RAD18: variants seen among roughly 807,000 people sequenced by gnomAD.
The protein encoded by RAD18 is E3 ubiquitin-protein ligase RAD18.
A neutral mutation model predicts 60.4 loss-of-function variants in RAD18; 47 were observed. That is an observed-to-expected ratio of 0.78 (90% CI 0.62 to 0.99). The LOEUF (loss-of-function observed/expected upper bound fraction) is 0.99. Ranked by LOEUF, RAD18 falls within the 50% of genes least tolerant of loss-of-function variation. The pLI is 0.00. For synonymous variants in RAD18, 225 were observed against 195.5 expected, an observed-to-expected ratio of 1.15 and a Z score of -1.26; for missense variants, 640 against 593.3, an observed-to-expected ratio of 1.08 and a Z score of -0.82.
chr3:8,954,368 A>AT (rs1318373289), intron 2 of RAD18, among the ~76,000 whole-genome samples: 1 of 152,074 alleles, frequency 6.6e-6, no homozygotes, highest in African/African-American at 2.4e-5. Context: ...AAGATGCTAG[A>AT]CTCTTTTGAT....
intron 4 of RAD18, chr3:8,946,966 C>T: frequency 3.0e-6 from 1 of 334,164 alleles, no homozygotes; most frequent in Non-Finnish European, 5.4e-6. Flanking sequence ...CTTCAGAGCA[C>T]CCAAAAGTAA....
chr3:8,914,101 A>G (rs1388729428), intron 7 of RAD18, among the ~76,000 whole-genome samples: 1 of 152,224 alleles, frequency 6.6e-6, no homozygotes, highest in Non-Finnish European at 1.5e-5. Context: ...AATGCAGTAC[A>G]ACAGGCTACT....
chr3:8,898,656 A>G (rs989849880), intron 11 of RAD18, among the ~76,000 whole-genome samples: 1 of 152,134 alleles, frequency 6.6e-6, no homozygotes, highest in Non-Finnish European at 1.5e-5. Context: ...CGGTAGGAAA[A>G]GTATCTACAT....
chr3:8,945,468 C>T (rs373528566), intron 4 of RAD18, among the ~76,000 whole-genome samples: 27 of 96,416 alleles, frequency 2.8e-4, no homozygotes, highest in South Asian at 8.5e-4. Flanking sequence ...TTTCCATCTT[C>T]TTTTTTTTTT....
At chr3:8,903,768 AT>A (rs1939954857) in intron 9 of RAD18, among the ~76,000 whole-genome samples, 1 of 152,184 alleles carries the variant, frequency 6.6e-6, no homozygotes, top group Non-Finnish European at 1.5e-5. Flanking sequence ...ATCCTATAAA[AT>A]TTTTAGGGAG....
In RAD18 at chr3:8,898,882, C is replaced by CAT. The variant is rs1294547347; in HGVS notation, c.1322+10_1322+11dup. On this transcript the variant is annotated intron_variant, in intron 11 of 12. Transcript: ENST00000264926. The stretch of plus-strand genomic sequence containing the variant: ...AGATATTTAAAATAATCAACTACTG[C>CAT]ATGTTTCTTACCTATTGCATGAATC... The CAT allele has an allele frequency of 6.5e-7, 1 of 1,545,140 alleles. No individual in the cohort carries two copies. The highest frequency in any genetic ancestry group is 8.8e-7 in the Non-Finnish European group (1 of 1,138,620).
In RAD18 at chr3:8,938,960, G is replaced by T. The variant is rs116758706; in HGVS notation, c.704+594C>A. On this transcript the variant is annotated intron_variant, in intron 6 of 12. Coordinates refer to ENST00000264926, the MANE Select transcript of RAD18 (RefSeq NM_020165.4). The stretch of plus-strand genomic sequence containing the variant: ...ATTACAGTTATTTTCATGTACAAGG[G>T]AGGTAGAACAGCACAGTTGTTTAGA... Among the ~76,000 whole-genome samples, 1,067 of 152,220 alleles carry T rather than the reference G, an allele frequency of 7.0e-3. 14 individuals carry two copies. Among genetic ancestry groups the T allele is most frequent in the African/African-American group, 0.024 (1,008 of 41,534 alleles).
intron 11 of RAD18, among the ~76,000 whole-genome samples, chr3:8,895,990 T>A (rs1411101840): frequency 6.6e-6 from 1 of 152,194 alleles, no homozygotes; most frequent in Non-Finnish European, 1.5e-5. Context: ...AATTCTCTCT[T>A]GCTATAGCCA....
At chr3:8,912,546 A>T in intron 8 of RAD18, 174 bp from the exon 9 acceptor site, 1 of 413,182 alleles carries the variant, frequency 2.4e-6, no homozygotes, top group Non-Finnish European at 4.2e-6. Flanking sequence ...TAAATACCAG[A>T]AATGGTATAC....
In RAD18 at chr3:8,935,904, T is replaced by C. The variant is rs765903774; in HGVS notation, c.856A>G (p.Asn286Asp). The C allele has an allele frequency of 1.2e-6, 2 of 1,608,482 alleles. No individual in the cohort carries two copies. Among genetic ancestry groups the C allele is most frequent in the South Asian group, 1.1e-5 (1 of 89,760 alleles). ...KRHQEFVHMY[N>D]AQCDALHPKS... ...GGATGCAAAGCATCGCATTGGGCATTGTACATGTGTACAAATTCTTGGTGC... is the reference window on the plus strand; with the variant it reads ...GGATGCAAAGCATCGCATTGGGCATCGTACATGTGTACAAATTCTTGGTGC... Residue 286 changes from asparagine (N) to aspartate (D), a missense_variant, in exon 7 of 13, where the codon AAT becomes GAT. Asn to Asp is a conservative substitution (Grantham distance 23). Transcript: ENST00000264926.
At position 8,898,919 on chromosome 3, in the gene RAD18, A is replaced by G. The variant is rs768678890; in HGVS notation, c.1297T>C (p.Ser433Pro). 5 of 1,597,736 alleles carry G rather than the reference A, an allele frequency of 3.1e-6. No homozygotes were observed. Among genetic ancestry groups the G allele is most frequent in the Non-Finnish European group, 4.3e-6 (5 of 1,171,932 alleles). ...SCIDIQEVLSSSESDSCNSSS... is the reference protein window; with the variant it reads ...SCIDIQEVLSPSESDSCNSSS... ...CTATTGCATGAATCTGATTCTGATG[A>G]AGAAAGAACTTCTTGAATATCAATA... Residue 433 changes from serine to proline, a missense_variant, in exon 11 of 13, where the codon TCA becomes CCA. Coordinates refer to ENST00000264926, the MANE Select transcript of RAD18 (RefSeq NM_020165.4).
intron 5 of RAD18, among the ~76,000 whole-genome samples, chr3:8,941,055 C>A (rs573238889): frequency 6.6e-6 from 1 of 152,088 alleles, no homozygotes; most frequent in Middle Eastern, 3.2e-3. Context: ...AGCAATAAGG[C>A]GGGATGACTA....
chr3:8,946,166 A>AT lies in RAD18; in HGVS notation c.266+1053dup, dbSNP rs535724191. 4.6e-4 allele frequency among the ~76,000 whole-genome samples: 70 copies of AT among 152,254 alleles called. No individual in the cohort carries two copies. In the East Asian group the frequency reaches 0.013, roughly 28 times the overall value. ...AGTAAATGCCCTATAAAGATGTACC[A>AT]TTTTTTATCTTTTATACCATATTTT... On this transcript the variant is annotated intron_variant, in intron 4 of 12. Transcript: ENST00000264926.
At chr3:8,955,150 AC>A (rs1203793314) in intron 2 of RAD18, among the ~76,000 whole-genome samples, 2 of 152,168 alleles carry the variant, frequency 1.3e-5, no homozygotes, top group African/African-American at 4.8e-5. Flanking sequence ...GAATCTATAC[AC>A]TGACAGAAAA....
At chr3:8,937,504 T>C (rs896327462) in intron 6 of RAD18, among the ~76,000 whole-genome samples, 4 of 149,984 alleles carry the variant, frequency 2.7e-5, no homozygotes, top group East Asian at 1.9e-4. Flanking sequence ...CATGGTTTTA[T>C]ATAGAAGGGT....
At chr3:8,922,964 G>GA (rs1201830440) in intron 7 of RAD18, among the ~76,000 whole-genome samples, 5 of 152,214 alleles carry the variant, frequency 3.3e-5, no homozygotes, top group Non-Finnish European at 5.9e-5. Flanking sequence ...CAAAGATGGG[G>GA]AAAAAACAGC....
At chr3:8,927,315 A>T (rs1449743736) in intron 7 of RAD18, among the ~76,000 whole-genome samples, 1 of 152,220 alleles carries the variant, frequency 6.6e-6, no homozygotes, top group Non-Finnish European at 1.5e-5. Flanking sequence ...AAAAATGCTC[A>T]CCATCACTGG....
At chr3:8,939,975 C>T (rs2124827865) in intron 5 of RAD18, among the ~76,000 whole-genome samples, 1 of 152,320 alleles carries the variant, frequency 6.6e-6, no homozygotes, top group Non-Finnish European at 1.5e-5. Context: ...CTATAGAACT[C>T]ATCTTAAATT....
chr3:8,894,020 C>CCT (rs1939743281), intron 11 of RAD18, among the ~76,000 whole-genome samples: 1 of 152,122 alleles, frequency 6.6e-6, no homozygotes, highest in South Asian at 2.1e-4. Flanking sequence ...TTCACAGAAG[C>CCT]ACCCTAAGTT....
Sources: gnomAD v4.1 joint callset for allele counts (sites outside exome capture counted in the v4.1 genomes callset) on GRCh38, gnomAD v4.1.1 for gene constraint, MANE v1.5 for transcripts, NCBI Gene and HGNC (gene_info 2026-07-23, HGNC 2026-07-21) for gene names.